NLGN1: variants seen among roughly 807,000 people sequenced by gnomAD.
The protein encoded by NLGN1 is neuroligin 1.
A neutral mutation model predicts 65.5 loss-of-function variants in NLGN1; 12 were observed. The ratio of observed to expected loss-of-function variants is 0.18; its 90% CI spans 0.12 to 0.30. The LOEUF (loss-of-function observed/expected upper bound fraction) is 0.30. Ranked by LOEUF, NLGN1 falls within the 10% of genes least tolerant of loss-of-function variation. NLGN1 has a pLI of 1.00. For synonymous variants in NLGN1, 350 were observed against 359.5 expected (o/e 0.97, Z 0.30); for missense variants, 750 against 1,007.1 (o/e 0.74, Z 3.46).
At chr3:173,643,952 A>G (rs897414961) in intron 3 of NLGN1, among the ~76,000 whole-genome samples, 5 of 152,252 alleles carry the variant, frequency 3.3e-5, no homozygotes, top group African/African-American at 1.2e-4. Flanking sequence ...AGGATGCCCA[A>G]ATAAAAGGCA....
intron 4 of NLGN1, among the ~76,000 whole-genome samples, chr3:173,815,838 A>T (rs760718037): frequency 6.6e-6 from 1 of 152,106 alleles, no homozygotes; most frequent in Non-Finnish European, 1.5e-5. Context: ...TTCCATGTAG[A>T]TGTTTAATGA....
chr3:173,926,405 T>A (rs1743015249), intron 4 of NLGN1, among the ~76,000 whole-genome samples: 1 of 152,166 alleles, frequency 6.6e-6, no homozygotes, highest in African/African-American at 2.4e-5. Context: ...AAAAGTCAAG[T>A]ATAACTCGCA....
chr3:173,768,461 C>G (rs963970337), intron 3 of NLGN1, among the ~76,000 whole-genome samples: 4 of 150,042 alleles, frequency 2.7e-5, no homozygotes, highest in Admixed American at 2.7e-4. Context: ...AGATTTGCCT[C>G]TTAGGATCTT....
In NLGN1 at chr3:174,172,515, AG is replaced by A. The variant is rs1728732774; in HGVS notation, c.647-102799del. Among the ~76,000 whole-genome samples the A allele has an allele frequency of 2.6e-5, 4 of 152,058 alleles. No homozygotes were observed. The South Asian group carries it at 8.3e-4, about 31-fold the overall frequency. ...TGTATGTGGCAAGAGATAGAGGTCT[AG>A]TTTTATTCTTTTGCATATAGGTGTC... On this transcript the variant is annotated intron_variant, in intron 4 of 6. Transcript: ENST00000457714.
intron 4 of NLGN1, among the ~76,000 whole-genome samples, chr3:173,812,587 C>T (rs1424935660): frequency 6.6e-6 from 1 of 151,586 alleles, no homozygotes; most frequent in Non-Finnish European, 1.5e-5. Flanking sequence ...AAAAATTAGC[C>T]AGGTGTGGTG....
chr3:173,810,120 C>CT (rs550732286), intron 4 of NLGN1, among the ~76,000 whole-genome samples: 124 of 152,208 alleles, frequency 8.1e-4, no homozygotes, highest in Middle Eastern at 3.4e-3. Flanking sequence ...ATTCTGGTCA[C>CT]TTTTTTCCAA....
chr3:173,831,338 A>G (rs1722512630), intron 4 of NLGN1, among the ~76,000 whole-genome samples: 1 of 152,248 alleles, frequency 6.6e-6, no homozygotes, highest in South Asian at 2.1e-4. Flanking sequence ...AAAAGAGAAG[A>G]TAAAAGGAAA....
At chr3:173,515,360 G>T (rs1260281569) in intron 2 of NLGN1, among the ~76,000 whole-genome samples, 1 of 151,902 alleles carries the variant, frequency 6.6e-6, no homozygotes, top group Non-Finnish European at 1.5e-5. Context: ...TTTTATTATT[G>T]AGTCCCTTAT....
At chr3:174,220,162 A>G (rs1738372742) in intron 4 of NLGN1, among the ~76,000 whole-genome samples, 1 of 152,158 alleles carries the variant, frequency 6.6e-6, no homozygotes, top group African/African-American at 2.4e-5. Flanking sequence ...GTTTGGGACT[A>G]TGTGAGCAGA....
At chr3:173,748,575 G>A (rs1479242454) in intron 3 of NLGN1, among the ~76,000 whole-genome samples, 3 of 152,058 alleles carry the variant, frequency 2.0e-5, no homozygotes, top group Non-Finnish European at 2.9e-5. Context: ...CAAGAAATTG[G>A]CCTCATGGTG....
intron 4 of NLGN1, among the ~76,000 whole-genome samples, chr3:173,903,384 A>C (rs934830598): frequency 6.6e-6 from 1 of 152,140 alleles, no homozygotes; most frequent in Non-Finnish European, 1.5e-5. Context: ...ACAGATGACA[A>C]GCCTTTTACC....
intron 2 of NLGN1, among the ~76,000 whole-genome samples, chr3:173,543,193 C>A (rs1216237521): frequency 2.6e-5 from 4 of 152,110 alleles, no homozygotes; most frequent in African/African-American, 9.7e-5. Flanking sequence ...AACCAGAAAT[C>A]TTCCTACAGA....
intron 4 of NLGN1, among the ~76,000 whole-genome samples, chr3:174,087,355 G>A (rs1324082236): frequency 2.0e-5 from 3 of 152,126 alleles, no homozygotes; most frequent in Non-Finnish European, 4.4e-5. Context: ...ATCTAGCGTG[G>A]TAATAACAAG....
intron 4 of NLGN1, among the ~76,000 whole-genome samples, chr3:174,006,905 T>G (rs946035823): frequency 2.0e-5 from 3 of 151,892 alleles, no homozygotes; most frequent in African/African-American, 7.3e-5. Flanking sequence ...TCATCTCTAC[T>G]AAAAATACAA....
At chr3:173,499,561 G>A (rs181787230) in intron 2 of NLGN1, among the ~76,000 whole-genome samples, 1 of 151,476 alleles carries the variant, frequency 6.6e-6, no homozygotes, top group Non-Finnish European at 1.5e-5. Context: ...TCCATATGAA[G>A]TTTAAAGTAG....
chr3:173,820,826 T>G (rs1232650262), intron 4 of NLGN1, among the ~76,000 whole-genome samples: 1 of 152,198 alleles, frequency 6.6e-6, no homozygotes, highest in African/African-American at 2.4e-5. Flanking sequence ...ACTATTCACT[T>G]TATATAGATA....
intron 4 of NLGN1, among the ~76,000 whole-genome samples, chr3:174,206,090 GA>G (rs1467472071): frequency 1.3e-5 from 2 of 152,174 alleles, no homozygotes; most frequent in African/African-American, 4.8e-5. Flanking sequence ...AAGTCCAGAT[GA>G]ATCTGGTAAA....
At chr3:173,711,757 A>G (rs747824437) in intron 3 of NLGN1, among the ~76,000 whole-genome samples, 41 of 152,270 alleles carry the variant, frequency 2.7e-4, no homozygotes, top group Admixed American at 1.4e-3. Context: ...TACTATGGTG[A>G]TAATGAGTCA....
rs115095792 is a variant in NLGN1, at chr3:174,217,383, G to A, written c.647-57932G>A. On this transcript the variant is annotated intron_variant, in intron 4 of 6. Coordinates refer to ENST00000457714, the Ensembl canonical transcript of NLGN1. ...CTGTCCTAGTCAGCCAGCCTGCCCT[G>A]ACAAAATACCATAGACTGGGCAGCT... Among the ~76,000 whole-genome samples, 1,097 of 152,176 alleles carry A rather than the reference G, an allele frequency of 7.2e-3. 13 individuals are homozygous for A. Among genetic ancestry groups the A allele is most frequent in the African/African-American group, 0.024 (981 of 41,536 alleles).
Sources: gnomAD v4.1 joint callset for allele counts (sites outside exome capture counted in the v4.1 genomes callset) on GRCh38, gnomAD v4.1.1 for gene constraint, MANE v1.5 for transcripts, NCBI Gene and HGNC (gene_info 2026-07-23, HGNC 2026-07-21) for gene names.